The following IL1R1 variants were observed in gnomAD, a reference collection of about 807,000 sequenced individuals.
IL1R1 encodes interleukin-1 receptor type 1.
IL1R1 carries 22 observed loss-of-function variants against 50.2 expected under a neutral mutation model. That is an observed-to-expected ratio of 0.44 (90% confidence interval 0.31 to 0.63). The LOEUF (loss-of-function observed/expected upper bound fraction) is 0.63. Ranked by LOEUF, IL1R1 falls within the 20% of genes least tolerant of loss-of-function variation. The pLI, the probability that IL1R1 is intolerant of heterozygous loss-of-function variation, is 0.07. For synonymous variants in IL1R1, 251 were observed against 236.7 expected (o/e 1.06, Z -0.55); for missense variants, 509 against 676.2 (o/e 0.75, Z 2.74).
rs1685077781 is a variant in IL1R1 at position 102,165,205 on chromosome 2, G to A, written c.387G>A (p.Lys129=). Residue 129 remains lysine, a synonymous_variant, in exon 5 of 12, where the codon AAG becomes AAA. Transcript: ENST00000410023. ...GTTATAATGCACAAGCCATATTTAA[G>A]CAGAAACTACCCGTTGCAGGAGACG... ...NLCYNAQAIF[K]QKLPVAGDGG... The A allele has an allele frequency of 1.2e-6, 2 of 1,607,750 alleles. No individual in the cohort carries two copies. Among genetic ancestry groups the A allele is most frequent in the South Asian group, 1.1e-5 (1 of 89,230 alleles).
chr2:102,098,155 G>C (rs1179817856), intron 1 of IL1R1, among the ~76,000 whole-genome samples: 1 of 151,908 alleles, frequency 6.6e-6, no homozygotes, highest in African/African-American at 2.4e-5. Flanking sequence ...TAGAGTAAGG[G>C]AAAAACTGTT....
chr2:102,121,863 T>C (rs1213763422), intron 1 of IL1R1, among the ~76,000 whole-genome samples: 1 of 152,216 alleles, frequency 6.6e-6, no homozygotes, highest in East Asian at 1.9e-4. Context: ...TTGCTATGGA[T>C]TTAAACTCTA....
chr2:102,148,944 CAAAA>C (rs749554082), intron 1 of IL1R1, among the ~76,000 whole-genome samples: 2 of 121,700 alleles, frequency 1.6e-5, no homozygotes, highest in African/African-American at 3.0e-5. Context: ...GACTCTGTCT[CAAAA>C]CAAACAAACA....
intron 1 of IL1R1, among the ~76,000 whole-genome samples, chr2:102,092,047 C>T (rs1439469600): frequency 6.6e-6 from 1 of 152,128 alleles, no homozygotes; most frequent in Non-Finnish European, 1.5e-5. Context: ...CCAAAGCTTC[C>T]ACATCCATTT....
intron 1 of IL1R1, among the ~76,000 whole-genome samples, chr2:102,117,961 G>C (rs1034032692): frequency 3.3e-5 from 5 of 149,304 alleles, no homozygotes; most frequent in African/African-American, 1.2e-4. Context: ...TATAGGAAAT[G>C]TATATATATA....
At chr2:102,127,152 T>C (rs1681758842) in intron 1 of IL1R1, among the ~76,000 whole-genome samples, 1 of 152,170 alleles carries the variant, frequency 6.6e-6, no homozygotes, top group African/African-American at 2.4e-5. Flanking sequence ...GAAACACTTT[T>C]CCCTGGGTCT....
At chr2:102,154,232 T>C (rs1214806592) in intron 2 of IL1R1, among the ~76,000 whole-genome samples, 2 of 152,254 alleles carry the variant, frequency 1.3e-5, no homozygotes, top group Non-Finnish European at 2.9e-5. Context: ...GCCTGTTTGC[T>C]TTCCCAGGTC....
upstream of IL1R1, chr2:102,142,684 A>G (rs1020104422): frequency 2.6e-5 from 4 of 151,500 alleles, no homozygotes; most frequent in Admixed American, 2.0e-4. Flanking sequence ...GGCCCAGCCG[A>G]GCCGTCTCCG....
At chr2:102,121,126 C>T (rs1438200314) in intron 1 of IL1R1, among the ~76,000 whole-genome samples, 1 of 152,130 alleles carries the variant, frequency 6.6e-6, no homozygotes, top group African/African-American at 2.4e-5. Context: ...TCAATGGCCA[C>T]GCTGTGCCCT....
chr2:102,142,845 G>C lies in IL1R1; in HGVS notation c.-259G>C, dbSNP rs1425563737. The C allele has an allele frequency of 6.7e-5, 10 of 149,040 alleles. No homozygotes were observed. Among genetic ancestry groups the C allele is most frequent in the African/African-American group, 2.2e-4 (9 of 41,066 alleles). The allele number at this position is 149,040 out of a possible 1,614,324, so 9.2% of individuals were successfully genotyped here. Reference sequence around the variant, plus strand: ...GGAGGAGCCGGAGAGCGGCCGGGCCGGGCGGTGGGGGCGCCGGCCTGCCCC... The same window carrying C: ...GGAGGAGCCGGAGAGCGGCCGGGCCCGGCGGTGGGGGCGCCGGCCTGCCCC... On this transcript the variant is annotated 5_prime_UTR_variant, in exon 1 of 12. Coordinates refer to ENST00000410023, the MANE Select transcript of IL1R1 (RefSeq NM_000877.4).
intron 9 of IL1R1, among the ~76,000 whole-genome samples, chr2:102,173,266 TCCA>T (rs1441620082): frequency 6.6e-6 from 1 of 152,206 alleles, no homozygotes; most frequent in Non-Finnish European, 1.5e-5. Context: ...AGACTAAATA[TCCA>T]CTTTCAAAGA....
At chr2:102,083,943 CAA>C (rs35546919) in intron 1 of IL1R1, among the ~76,000 whole-genome samples, 49 of 146,188 alleles carry the variant, frequency 3.4e-4, no homozygotes, top group East Asian at 1.4e-3. Flanking sequence ...GACTCCGCCT[CAA>C]AAAAAAAAAA....
chr2:102,071,030 T>C (rs555607375), intron 1 of IL1R1, among the ~76,000 whole-genome samples: 1 of 152,258 alleles, frequency 6.6e-6, no homozygotes, highest in South Asian at 2.1e-4. Flanking sequence ...TAAGGTTATG[T>C]AAATTGATCT....
At chr2:102,133,241 C>G (rs1682140031) in intron 1 of IL1R1, among the ~76,000 whole-genome samples, 1 of 38,558 alleles carries the variant, frequency 2.6e-5, no homozygotes, top group African/African-American at 1.3e-4. Flanking sequence ...AAGACTCTGT[C>G]TCAAAAAAAA....
chr2:102,139,798 C>G (rs143376474), upstream of IL1R1, among the ~76,000 whole-genome samples: 265 of 152,354 alleles, frequency 1.7e-3, no homozygotes, highest in Admixed American at 3.7e-3. Context: ...TCCTCAGAAG[C>G]CCAACAGATG....
At chr2:102,154,665 C>T (rs957614949) in intron 2 of IL1R1, among the ~76,000 whole-genome samples, 2 of 152,236 alleles carry the variant, frequency 1.3e-5, no homozygotes, top group African/African-American at 2.4e-5. Context: ...GTGGCCTGCT[C>T]TCCCTGGCTC....
chr2:102,095,952 G>A (rs190410056), intron 1 of IL1R1, among the ~76,000 whole-genome samples: 2 of 152,216 alleles, frequency 1.3e-5, no homozygotes, highest in East Asian at 1.9e-4. Context: ...GCAGTGAGCC[G>A]AGATCGTGCC....
At chr2:102,120,034 C>T (rs1019579915) in intron 1 of IL1R1, among the ~76,000 whole-genome samples, 4 of 152,122 alleles carry the variant, frequency 2.6e-5, no homozygotes, top group African/African-American at 9.7e-5. Flanking sequence ...TGTCGTGGCC[C>T]CTTCCAAACC....
chr2:102,169,213 G>A (rs1476992991), intron 7 of IL1R1, among the ~76,000 whole-genome samples: 1 of 152,142 alleles, frequency 6.6e-6, no homozygotes, highest in African/African-American at 2.4e-5. Context: ...TAAGGCTACA[G>A]GCCCCAAAGA....
Sources: allele counts gnomAD v4.1 joint callset (sites outside exome capture counted in the v4.1 genomes callset), GRCh38; gene constraint gnomAD v4.1.1; transcripts MANE v1.5; gene names NCBI Gene and HGNC (gene_info 2026-07-23, HGNC 2026-07-21).